Variants in STK32B observed in about 807,000 individuals in gnomAD.
STK32B encodes serine/threonine-protein kinase 32B.
A neutral mutation model predicts 52.6 loss-of-function variants in STK32B; 43 were observed. The observed-to-expected ratio is 0.82, with a 90% CI of 0.64 to 1.05. The LOEUF is 1.05. Among genes scored for constraint, STK32B ranks in the 50% least tolerant of loss-of-function variants. The pLI, the probability that STK32B is intolerant of heterozygous loss-of-function variation, is 0.00. For synonymous variants in STK32B, 238 were observed against 204.3 expected, an observed-to-expected ratio of 1.17 and a Z score of -1.41; for missense variants, 621 against 534.6, an observed-to-expected ratio of 1.16 and a Z score of -1.59.
intron 1 of STK32B, among the ~76,000 whole-genome samples, chr4:5,136,411 C>A (rs1716083023): frequency 6.6e-6 from 1 of 152,084 alleles, no homozygotes; most frequent in African/African-American, 2.4e-5. Flanking sequence ...TGGTGAGATA[C>A]CACTTTTCAA....
In STK32B at chr4:5,467,945, A is replaced by G. The variant is rs1717568239; in HGVS notation, c.1042-61A>G. Reference sequence around the variant, plus strand: ...TCAGTCTGCCGTCCTGTGATGCTCCATTACCGCGCGTCCCCGGACCGTGCT... The same window carrying G: ...TCAGTCTGCCGTCCTGTGATGCTCCGTTACCGCGCGTCCCCGGACCGTGCT... On this transcript the variant is annotated intron_variant, in intron 10 of 11. Transcript: ENST00000282908. The surrounding 1 kb of genome is among the most constrained non-coding windows in gnomAD (Gnocchi z 5.8). 1 of 1,589,700 alleles carries G rather than the reference A, an allele frequency of 6.3e-7. No individual in the cohort carries two copies. Among genetic ancestry groups the G allele is most frequent in the Admixed American group, 1.7e-5 (1 of 59,948 alleles).
intron 8 of STK32B, among the ~76,000 whole-genome samples, chr4:5,459,283 C>CA (rs68184903): frequency 2.5e-4 from 3 of 12,176 alleles, no homozygotes; most frequent in African/African-American, 1.0e-3. Flanking sequence ...CCCTGGTGTG[C>CA]CCCCCCCCCC....
chr4:5,050,828 G>T (rs530360030), upstream of STK32B, among the ~76,000 whole-genome samples: 3 of 152,252 alleles, frequency 2.0e-5, no homozygotes, highest in South Asian at 6.2e-4. Flanking sequence ...AGGAGCCCAG[G>T]GACCCTCATG....
chr4:5,343,694 G>C (rs971379456), intron 4 of STK32B, among the ~76,000 whole-genome samples: 2 of 152,162 alleles, frequency 1.3e-5, no homozygotes, highest in African/African-American at 4.8e-5. Context: ...AACACCAAAA[G>C]CAATGGCAAC....
intron 4 of STK32B, among the ~76,000 whole-genome samples, chr4:5,349,268 G>A (rs1733674154): frequency 1.3e-5 from 2 of 152,204 alleles, no homozygotes; most frequent in Admixed American, 6.5e-5. Flanking sequence ...CCACCAATGT[G>A]GCCCAAAGAC....
At chr4:5,205,148 G>C (rs1435764294) in intron 3 of STK32B, among the ~76,000 whole-genome samples, 8 of 152,120 alleles carry the variant, frequency 5.3e-5, no homozygotes, top group African/African-American at 1.9e-4. Flanking sequence ...CAGAGCTCCA[G>C]GTCCTCAGAC....
chr4:5,143,101 C>CTCTG (rs3072779), intron 2 of STK32B, among the ~76,000 whole-genome samples: 8,674 of 135,656 alleles, frequency 0.064, 373 homozygotes, highest in African/African-American at 0.13. Context: ...CTGTCTCTGT[C>CTCTG]TCTGTCTGTC....
At chr4:5,402,791 G>A (rs567796947) in intron 5 of STK32B, among the ~76,000 whole-genome samples, 1 of 152,322 alleles carries the variant, frequency 6.6e-6, no homozygotes, top group East Asian at 1.9e-4. Flanking sequence ...TTGGGGTCAA[G>A]GCCAGGACAG....
At chr4:5,352,459 C>T (rs985333883) in intron 4 of STK32B, among the ~76,000 whole-genome samples, 3 of 151,744 alleles carry the variant, frequency 2.0e-5, no homozygotes, top group African/African-American at 7.3e-5. Flanking sequence ...AAAATAAAGG[C>T]CATATGTGAC....
intron 3 of STK32B, among the ~76,000 whole-genome samples, chr4:5,317,492 A>AC (rs1491387259): frequency 9.5e-6 from 1 of 104,828 alleles, no homozygotes; most frequent in African/African-American, 5.3e-5. Flanking sequence ...ACATATATAT[A>AC]ATATATATTA....
intron 11 of STK32B, among the ~76,000 whole-genome samples, chr4:5,475,951 A>G (rs1653320646): frequency 6.6e-6 from 1 of 151,674 alleles, no homozygotes; most frequent in South Asian, 2.1e-4. Context: ...CTGGAGTGCA[A>G]TGCCGCAATC....
upstream of STK32B, among the ~76,000 whole-genome samples, chr4:5,046,870 G>C (rs1373312560): frequency 6.6e-6 from 1 of 152,160 alleles, no homozygotes; most frequent in Non-Finnish European, 1.5e-5. Context: ...AGAAACAGGA[G>C]CACTTTTACC....
chr4:5,051,404 G>C, upstream of STK32B: 1 of 177,648 alleles, frequency 5.6e-6, no homozygotes, highest in African/African-American at 2.4e-5. Context: ...CTTCCGGGCC[G>C]ATCCCTTTCT....
chr4:5,043,493 A>G, the STK32B span, among the ~76,000 whole-genome samples: 10 of 152,342 alleles, frequency 6.6e-5, no homozygotes, highest in Admixed American at 6.5e-4. Flanking sequence ...ATTCCTTTAT[A>G]TAGGACTGGA....
At chr4:5,442,523 A>C in intron 6 of STK32B, among the ~76,000 whole-genome samples, 1 of 150,210 alleles carries the variant, frequency 6.7e-6, no homozygotes, top group Non-Finnish European at 1.5e-5. Flanking sequence ...GGATTTCCTG[A>C]ATACAGCACA....
intron 1 of STK32B, among the ~76,000 whole-genome samples, chr4:5,083,808 C>G (rs1712566907): frequency 2.6e-5 from 4 of 151,686 alleles, no homozygotes; most frequent in Admixed American, 2.6e-4. Flanking sequence ...ACAATCTCGG[C>G]TCACTGCAAC....
chr4:5,248,752 A>G (rs58925268), intron 3 of STK32B, among the ~76,000 whole-genome samples: 12,217 of 152,204 alleles, frequency 0.08, 750 homozygotes, highest in African/African-American at 0.17. Flanking sequence ...AGCCATAAAA[A>G]GGGTGAATTC....
At chr4:5,493,949 T>G (rs1472364941) in intron 11 of STK32B, among the ~76,000 whole-genome samples, 1 of 152,290 alleles carries the variant, frequency 6.6e-6, no homozygotes, top group Non-Finnish European at 1.5e-5. Context: ...AGAGACAGTT[T>G]GTTATAATTT....
At position 5,290,343 on chromosome 4, in the gene STK32B, C is replaced by G. The variant is rs542987040; in HGVS notation, c.261-40877C>G. 2.0e-3 allele frequency among the ~76,000 whole-genome samples: 301 copies of G among 152,222 alleles called. 1 individual carries two copies. The highest frequency in any genetic ancestry group is 6.9e-3 in the African/African-American group (285 of 41,558). On this transcript the variant is annotated intron_variant, in intron 3 of 11. Coordinates refer to ENST00000282908, the MANE Select transcript of STK32B (RefSeq NM_018401.3). ...AACGTAAAACACAAACATTTTACAG[C>G]TAAACAAAAATGTTTTATTCCTTTA...
Sources: gnomAD v4.1 joint callset for allele counts (sites outside exome capture counted in the v4.1 genomes callset) on GRCh38, gnomAD v4.1.1 for gene constraint, Gnocchi (gnomAD v3.1) non-coding constraint, MANE v1.5 for transcripts, NCBI Gene and HGNC (gene_info 2026-07-23, HGNC 2026-07-21) for gene names.